The following USP36 variants were observed in gnomAD, a reference collection of about 807,000 sequenced individuals.
USP36 encodes the protein ubiquitin carboxyl-terminal hydrolase 36.
In USP36, 59 loss-of-function variants were observed where a neutral mutation model predicts 111.5. That is an observed-to-expected ratio of 0.53 (90% confidence interval 0.43 to 0.66). USP36 has a LOEUF of 0.66. Among genes scored for constraint, USP36 ranks in the 30% least tolerant of loss-of-function variants. The probability of loss-of-function intolerance (pLI) is 0.00; values close to 1 mark genes in which losing one functional copy is unlikely to be tolerated. For synonymous variants in USP36, 628 were observed against 581.0 expected (o/e 1.08, Z -1.16); for missense variants, 1,488 against 1,468.0 (o/e 1.01, Z -0.22).
intron 1 of USP36, among the ~76,000 whole-genome samples, chr17:78,840,185 C>A (rs2069129910): frequency 6.6e-6 from 1 of 152,166 alleles, no homozygotes; most frequent in Admixed American, 6.5e-5. Context: ...GCGGAGTCTC[C>A]CCTCTCGTGT....
chr17:78,823,754 G>A (rs1202971800), intron 6 of USP36, among the ~76,000 whole-genome samples: 2 of 152,102 alleles, frequency 1.3e-5, no homozygotes, highest in East Asian at 3.9e-4. Context: ...GGCAAAAGGG[G>A]AAACATCAGG....
intron 7 of USP36, among the ~76,000 whole-genome samples, chr17:78,821,706 G>A (rs1320058176): frequency 6.6e-6 from 1 of 151,944 alleles, no homozygotes; most frequent in African/African-American, 2.4e-5. Context: ...CCAAAGTGCT[G>A]GGATTACAGG....
chr17:78,799,323 G>C (rs1209826167), intron 18 of USP36, among the ~76,000 whole-genome samples: 1 of 152,166 alleles, frequency 6.6e-6, no homozygotes, highest in African/African-American at 2.4e-5. Context: ...CTCGAAGTCT[G>C]AATAAAAACA....
chr17:78,833,641 G>C (rs994280897), intron 4 of USP36, among the ~76,000 whole-genome samples: 3 of 152,148 alleles, frequency 2.0e-5, no homozygotes, highest in Admixed American at 6.5e-5. Flanking sequence ...CCAGGCTCCT[G>C]AGCTGTGTTT....
At chr17:78,829,887 C>T (rs556365997) in intron 4 of USP36, among the ~76,000 whole-genome samples, 264 of 152,174 alleles carry the variant, frequency 1.7e-3, no homozygotes, top group Non-Finnish European at 2.5e-3. Flanking sequence ...ACTACAGGCT[C>T]GTGCCACCAT....
At chr17:78,840,979 CA>C (rs1306691243), upstream of USP36, 1 of 152,352 alleles carries the variant, frequency 6.6e-6, no homozygotes, top group Non-Finnish European at 1.5e-5. Flanking sequence ...TCGCCTACGT[CA>C]CCTCCCCATC....
chr17:78,805,630 C>T (rs1039240225), intron 15 of USP36, among the ~76,000 whole-genome samples: 13 of 152,206 alleles, frequency 8.5e-5, no homozygotes, highest in African/African-American at 2.2e-4. Context: ...GCAGCCCCTG[C>T]GGACCAGGGC....
chr17:78,790,174 G>A (rs765033910), intron 3 of USP36, among the ~76,000 whole-genome samples: 3 of 150,740 alleles, frequency 2.0e-5, no homozygotes, highest in Non-Finnish European at 4.4e-5. Context: ...CTGCAACCTC[G>A]GCTTTCCAGG....
Position 78,801,579 on chromosome 17 carries a change from G to A in USP36, c.3022+745C>T, listed in dbSNP as rs1449753473. On this transcript the variant is annotated intron_variant, in intron 17 of 20. Transcript: ENST00000449938. ...CGGGTGCCTGCCAAGGCATGCCCCA[G>A]CCAGCCCTAAAGAAAACAAAACACC... Among the ~76,000 whole-genome samples the A allele has an allele frequency of 1.7e-3, 257 of 152,146 alleles. 1 individual carries two copies. The highest frequency in any genetic ancestry group is 5.6e-3 in the African/African-American group (233 of 41,486).
At chr17:78,809,626 TC>T (rs1818719797) in intron 13 of USP36, among the ~76,000 whole-genome samples, 1 of 152,098 alleles carries the variant, frequency 6.6e-6, no homozygotes, top group African/African-American at 2.4e-5. Context: ...AAGTGGGGCT[TC>T]CTTTGTTTTT....
rs778382579 is a variant in USP36 at position 78,822,014 on chromosome 17, A to G, written c.690-10T>C. On this transcript the variant is annotated splice_polypyrimidine_tract_variant and intron_variant, in intron 6 of 20. Transcript: ENST00000449938. ...CGTTTGACGATCCAACCTGAAAAGG[A>G]GACCCCAGCCTTTAAGGGAAGGGCT... 3.7e-6 allele frequency: 6 copies of G among 1,614,064 alleles called. No homozygotes were observed. Among genetic ancestry groups the G allele is most frequent in the Non-Finnish European group, 5.1e-6 (6 of 1,179,974 alleles).
At chr17:78,801,038 G>A (rs1281174449) in intron 17 of USP36, among the ~76,000 whole-genome samples, 13 of 140,102 alleles carry the variant, frequency 9.3e-5, no homozygotes, top group East Asian at 6.6e-4. Context: ...GTGCAGTGGC[G>A]CAATCTCGGC....
rs2093896479 is a variant in USP36, at chr17:78,806,208, T to C, written c.2164A>G (p.Met722Val). The part of the protein sequence containing the change: ...PSPSSDLTHP[M>V]KTSHPVVAST... ...GCAACGACGGGGTGAGAGGTTTTCA[T>C]GGGGTGGGTGAGGTCGGAGGATGGT... Residue 722 changes from methionine to valine, a missense_variant, in exon 15 of 21, where the codon ATG becomes GTG. Coordinates refer to ENST00000449938, the MANE Select transcript of USP36 (RefSeq NM_001385174.1). 1.2e-6 allele frequency: 2 copies of C among 1,612,918 alleles called. No individual in the cohort carries two copies. The highest frequency in any genetic ancestry group is 1.7e-6 in the Non-Finnish European group (2 of 1,179,772).
intron 13 of USP36, among the ~76,000 whole-genome samples, chr17:78,810,941 C>T (rs2094035033): frequency 6.6e-6 from 1 of 151,916 alleles, no homozygotes; most frequent in African/African-American, 2.4e-5. Flanking sequence ...TGGTGAAACC[C>T]CATCTCTACT....
chr17:78,804,018 AAGACC>A, intron 15 of USP36, 40 bp from the exon 16 acceptor site: 1 of 1,456,362 alleles, frequency 6.9e-7, no homozygotes, highest in Non-Finnish European at 9.3e-7. Context: ...GATGTTCTGA[AAGACC>A]CAGCAGAGCT....
chr17:78,798,268 ACCC>A lies in USP36; in HGVS notation c.*20+129_*20+131del, dbSNP rs1207200220. ...CAGACGCGCCCACACCACACACACC[ACCC>A]AACACACATGTGCCAGATACACAGC... On this transcript the variant is annotated intron_variant, in intron 20 of 20. Coordinates refer to ENST00000449938, the MANE Select transcript of USP36 (RefSeq NM_001385174.1). This position sits in a 1 kb window ranked among gnomAD's most constrained non-coding sequence, Gnocchi z 5.1. The A allele has an allele frequency of 1.6e-6, 2 of 1,239,370 alleles. No individual in the cohort carries two copies. Among genetic ancestry groups the A allele is most frequent in the Non-Finnish European group, 2.2e-6 (2 of 904,834 alleles). 76.8% of individuals were successfully genotyped at this position (1,239,370 alleles called of 1,614,324 possible).
chr17:78,809,237 C>T (rs1224004449), intron 13 of USP36, among the ~76,000 whole-genome samples: 1 of 152,186 alleles, frequency 6.6e-6, no homozygotes, highest in Non-Finnish European at 1.5e-5. Context: ...CATAATTCTT[C>T]TACATTTTAT....
Position 78,807,165 on chromosome 17 carries a change from G to GA in USP36, c.1878_1879insT (p.Pro627SerfsTer35). On this transcript the variant is annotated frameshift_variant, in exon 14 of 21. Coordinates refer to ENST00000449938, the MANE Select transcript of USP36 (RefSeq NM_001385174.1). LOFTEE classifies it high-confidence loss of function. Reference sequence around the variant, plus strand: ...GCCGCTCCACTCCTGGGGGTCTGGGGGGCCTTGGTGGAGTCGCTGCTGGCC... The same window carrying GA: ...GCCGCTCCACTCCTGGGGGTCTGGGGAGGCCTTGGTGGAGTCGCTGCTGGCC... 1 of 1,614,216 alleles carries GA rather than the reference G, an allele frequency of 6.2e-7. No individual in the cohort carries two copies. Among genetic ancestry groups the GA allele is most frequent in the Non-Finnish European group, 8.5e-7 (1 of 1,180,040 alleles).
intron 13 of USP36, among the ~76,000 whole-genome samples, chr17:78,809,191 G>T (rs1376263532): frequency 6.6e-6 from 1 of 152,100 alleles, no homozygotes; most frequent in Admixed American, 6.6e-5. Flanking sequence ...TTTGTTTGTA[G>T]TAAATTATGT....
Sources: gnomAD v4.1 joint callset for allele counts (sites outside exome capture counted in the v4.1 genomes callset) on GRCh38, gnomAD v4.1.1 for gene constraint, Gnocchi (gnomAD v3.1) non-coding constraint, MANE v1.5 for transcripts, NCBI Gene and HGNC (gene_info 2026-07-23, HGNC 2026-07-21) for gene names.